Variants in RPA3 observed in about 807,000 individuals in gnomAD.
RPA3 encodes replication protein A3, also known as replication protein A 14 kDa subunit.
A neutral mutation model predicts 13.7 loss-of-function variants in RPA3; 24 were observed. That is an observed-to-expected ratio of 1.75 (90% CI 1.27 to 2.46). The LOEUF is 2.46. Ranked by LOEUF, RPA3 falls within the 30% of genes most tolerant of loss-of-function variation. The pLI is 0.00. For missense variants in RPA3, 183 were observed against 151.0 expected (o/e 1.21, Z -1.11); for synonymous variants, 59 against 51.2 (o/e 1.15, Z -0.65).
chr7:7,670,389 A>C (rs1467334821), intron 4 of RPA3, among the ~76,000 whole-genome samples: 1 of 152,176 alleles, frequency 6.6e-6, no homozygotes, highest in Non-Finnish European at 1.5e-5. Flanking sequence ...CTCTAATGGC[A>C]TGTGGCACAG....
intron 4 of RPA3, among the ~76,000 whole-genome samples, chr7:7,678,288 T>A (rs551982524): frequency 5.5e-4 from 83 of 151,666 alleles, no homozygotes; most frequent in African/African-American, 1.9e-3. Flanking sequence ...TTTAACTGGG[T>A]TGAGATGATA....
chr7:7,676,470 T>G (rs1303965554), intron 4 of RPA3, among the ~76,000 whole-genome samples: 1 of 152,214 alleles, frequency 6.6e-6, no homozygotes, highest in Admixed American at 6.5e-5. Context: ...ACCACTGAAC[T>G]ATCCATCTTT....
At chr7:7,638,056 A>T in intron 6 of RPA3, 84 bp from the exon 7 acceptor site, 1 of 883,204 alleles carries the variant, frequency 1.1e-6, no homozygotes, top group Non-Finnish European at 1.8e-6. Flanking sequence ...ACAGGTTACT[A>T]ATCTATCACT....
intron 2 of RPA3, among the ~76,000 whole-genome samples, chr7:7,700,301 C>G (rs1780428033): frequency 6.6e-6 from 1 of 152,124 alleles, no homozygotes; most frequent in Non-Finnish European, 1.5e-5. Context: ...GTACTTCACC[C>G]TCAATACCAA....
At chr7:7,658,654 A>T (rs758112090) in intron 4 of RPA3, among the ~76,000 whole-genome samples, 10 of 152,306 alleles carry the variant, frequency 6.6e-5, no homozygotes, top group Admixed American at 3.9e-4. Flanking sequence ...CATCCCATTG[A>T]TGAAGCTGAT....
intron 2 of RPA3, among the ~76,000 whole-genome samples, chr7:7,687,541 G>A (rs28912730): frequency 2.6e-5 from 4 of 152,138 alleles, no homozygotes; most frequent in South Asian, 2.1e-4. Flanking sequence ...CTGGAAGGCC[G>A]ATCTATGCTT....
At chr7:7,642,208 C>T (rs1293336928) in intron 4 of RPA3, among the ~76,000 whole-genome samples, 3 of 152,144 alleles carry the variant, frequency 2.0e-5, no homozygotes, top group Non-Finnish European at 4.4e-5. Context: ...GCACATAGCT[C>T]ACTGCAGCCT....
intron 4 of RPA3, among the ~76,000 whole-genome samples, chr7:7,670,776 A>C (rs1779586642): frequency 1.3e-5 from 2 of 152,240 alleles, no homozygotes; most frequent in Admixed American, 1.3e-4. Flanking sequence ...CATAATTGCC[A>C]AAACCACTCC....
chr7:7,693,117 A>T (rs1165377306), intron 2 of RPA3, among the ~76,000 whole-genome samples: 2 of 152,180 alleles, frequency 1.3e-5, no homozygotes, highest in Non-Finnish European at 2.9e-5. Context: ...AGTCAAAAGG[A>T]ACCCCAAAGG....
chr7:7,639,667 C>G (rs998315365), intron 5 of RPA3, among the ~76,000 whole-genome samples: 1 of 152,202 alleles, frequency 6.6e-6, no homozygotes, highest in South Asian at 2.1e-4. Context: ...CACTCCTACT[C>G]AGTTTCCCTA....
chr7:7,707,967 T>G (rs188405759), intron 2 of RPA3, among the ~76,000 whole-genome samples: 10 of 152,344 alleles, frequency 6.6e-5, no homozygotes, highest in Admixed American at 3.3e-4. Context: ...AAGGTCCTGC[T>G]TTTGATCCTT....
chr7:7,665,809 G>T (rs1779435077), intron 4 of RPA3, among the ~76,000 whole-genome samples: 1 of 150,930 alleles, frequency 6.6e-6, no homozygotes, highest in South Asian at 2.1e-4. Flanking sequence ...ATATTGTCTG[G>T]CTTCTTTCCA....
At chr7:7,706,249 T>C (rs1395729472) in intron 2 of RPA3, among the ~76,000 whole-genome samples, 1 of 152,042 alleles carries the variant, frequency 6.6e-6, no homozygotes, top group East Asian at 1.9e-4. Context: ...ATGAAAAAAA[T>C]CATCAAAAAG....
intron 4 of RPA3, among the ~76,000 whole-genome samples, chr7:7,664,319 T>C (rs1300640473): frequency 6.6e-6 from 1 of 152,196 alleles, no homozygotes; most frequent in African/African-American, 2.4e-5. Flanking sequence ...ACAACTGTCT[T>C]AACTTCTTGG....
Position 7,687,000 on chromosome 7 carries a change from G to T in RPA3, c.-927+228C>A, listed in dbSNP as rs78811767. On this transcript the variant is annotated intron_variant, in intron 3 of 7. Transcript: ENST00000223129. Reference sequence around the variant, plus strand: ...GGTACGTTGTAAGGATAGCTGAAGAGTGAAGTCAAAGAGTTGTGAAGTTGC... The same window carrying T: ...GGTACGTTGTAAGGATAGCTGAAGATTGAAGTCAAAGAGTTGTGAAGTTGC... 2.0e-3 allele frequency among the ~76,000 whole-genome samples: 300 copies of T among 152,324 alleles called. 3 individuals are homozygous for T. Among genetic ancestry groups the T allele is most frequent in the African/African-American group, 7.0e-3 (290 of 41,566 alleles).
intron 2 of RPA3, among the ~76,000 whole-genome samples, chr7:7,701,283 G>T (rs7800009): frequency 0.075 from 11,435 of 152,188 alleles, 466 homozygotes; most frequent in Middle Eastern, 0.12. Flanking sequence ...TAAATTTGTG[G>T]CTGAGAAAGT....
At position 7,649,035 on chromosome 7, in the gene RPA3, G is replaced by A. The variant is rs1439875601; in HGVS notation, c.-757-7860C>T. On this transcript the variant is annotated intron_variant, in intron 4 of 7. Coordinates refer to ENST00000223129, the MANE Select transcript of RPA3 (RefSeq NM_002947.5). ...TAGCCAGGCATGGTGGCGGATGCCTGTAATCCCAGCTACTCAGGAGGCTGA... is the reference window on the plus strand; with the variant it reads ...TAGCCAGGCATGGTGGCGGATGCCTATAATCCCAGCTACTCAGGAGGCTGA... Among the ~76,000 whole-genome samples, 3 of 151,790 alleles carry A rather than the reference G, an allele frequency of 2.0e-5. No homozygotes were observed. The East Asian group carries it at 5.8e-4, about 29-fold the overall frequency.
At chr7:7,701,439 T>C (rs1258132950) in intron 2 of RPA3, among the ~76,000 whole-genome samples, 1 of 152,218 alleles carries the variant, frequency 6.6e-6, no homozygotes, top group Non-Finnish European at 1.5e-5. Context: ...GGAACTGTCC[T>C]GCTCAACTTC....
intron 1 of RPA3, among the ~76,000 whole-genome samples, chr7:7,716,127 C>T (rs549332758): frequency 6.6e-6 from 1 of 152,080 alleles, no homozygotes; most frequent in East Asian, 1.9e-4. Flanking sequence ...AAGGATGGAT[C>T]TAAATATGAA....
Sources: gnomAD v4.1 joint callset for allele counts (sites outside exome capture counted in the v4.1 genomes callset) on GRCh38, gnomAD v4.1.1 for gene constraint, MANE v1.5 for transcripts, NCBI Gene and HGNC (gene_info 2026-07-23, HGNC 2026-07-21) for gene names.